The following PPP6R2 variants were observed in gnomAD, a reference collection of about 807,000 sequenced individuals.
PPP6R2 encodes protein phosphatase 6 regulatory subunit 2, also known as serine/threonine-protein phosphatase 6 regulatory subunit 2.
In PPP6R2, 62 loss-of-function variants were observed where a neutral mutation model predicts 100.2. The ratio of observed to expected loss-of-function variants is 0.62; its 90% CI spans 0.50 to 0.76. The LOEUF (loss-of-function observed/expected upper bound fraction) is 0.76, where lower values mean the gene tolerates loss of function less well. Ranked by LOEUF, PPP6R2 falls within the 30% of genes least tolerant of loss-of-function variation. The probability of loss-of-function intolerance (pLI) is 0.00; values close to 1 mark genes in which losing one functional copy is unlikely to be tolerated. For missense variants in PPP6R2, 1,142 were observed against 1,276.3 expected (o/e 0.89, Z 1.60); for synonymous variants, 525 against 514.7 (o/e 1.02, Z -0.27).
intron 4 of PPP6R2, among the ~76,000 whole-genome samples, chr22:50,407,154 C>T (rs2059083952): frequency 6.6e-6 from 1 of 152,068 alleles, no homozygotes; most frequent in African/African-American, 2.4e-5. Flanking sequence ...CAAGACCAGC[C>T]TGGCCAACAT....
intron 1 of PPP6R2, among the ~76,000 whole-genome samples, chr22:50,369,005 G>A (rs2049371521): frequency 1.3e-5 from 2 of 152,156 alleles, no homozygotes; most frequent in South Asian, 2.1e-4. Flanking sequence ...TTGGGAGGCC[G>A]AGGTGGGCGG....
the PPP6R2 span, among the ~76,000 whole-genome samples, chr22:50,338,197 G>C: frequency 7.0e-6 from 1 of 143,588 alleles, no homozygotes; most frequent in Non-Finnish European, 1.5e-5. Context: ...TGTGGGTATA[G>C]TGTGTGTCGG....
chr22:50,444,221 G>A lies in PPP6R2; in HGVS notation c.2854G>A (p.Gly952Arg), dbSNP rs768688847. 3.1e-6 allele frequency: 5 copies of A among 1,613,210 alleles called. No individual in the cohort carries two copies. The highest frequency in any genetic ancestry group is 4.5e-5 in the East Asian group (2 of 44,888). Reference sequence around the variant, plus strand: ...CAGGAAGACAGATGCCCCGCCAGAAGGAGCTGCCTTAAATGGCCCAGTGTG... The same window carrying A: ...CAGGAAGACAGATGCCCCGCCAGAAAGAGCTGCCTTAAATGGCCCAGTGTG... ...KDGKTDAPPE[G>R]AALNGPV Residue 952 changes from glycine (G) to arginine (R), a missense_variant, in exon 24 of 24, where the codon GGA (glycine) becomes AGA (arginine). Physicochemically the swap from Gly to Arg is moderately radical, Grantham distance 125. Coordinates refer to ENST00000612753, the MANE Select transcript of PPP6R2 (RefSeq NM_001242898.2).
intron 10 of PPP6R2, among the ~76,000 whole-genome samples, chr22:50,427,033 G>GA (rs1418923155): frequency 6.6e-6 from 1 of 150,740 alleles, no homozygotes. Context: ...CTAAAAATAT[G>GA]AAAAAATTAG....
intron 7 of PPP6R2, among the ~76,000 whole-genome samples, 182 bp from the exon 8 acceptor site, chr22:50,419,167 C>CT (rs1216787302): frequency 2.0e-5 from 3 of 152,342 alleles, no homozygotes; most frequent in African/African-American, 7.2e-5. Flanking sequence ...GAGGAGTCAC[C>CT]TGGTGGGTCT....
intron 6 of PPP6R2, among the ~76,000 whole-genome samples, chr22:50,418,445 G>T (rs2060841222): frequency 6.6e-6 from 1 of 151,782 alleles, no homozygotes; most frequent in Admixed American, 6.6e-5. Flanking sequence ...GAGTGCAGTG[G>T]TGCGATCTTG....
At chr22:50,414,967 C>T (rs762584735) in intron 5 of PPP6R2, among the ~76,000 whole-genome samples, 4 of 152,246 alleles carry the variant, frequency 2.6e-5, no homozygotes, top group South Asian at 2.1e-4. Context: ...GGACTTTCCT[C>T]GCCTGCCTCC....
At chr22:50,424,092 G>C (rs1285836061) in intron 10 of PPP6R2, among the ~76,000 whole-genome samples, 2 of 152,244 alleles carry the variant, frequency 1.3e-5, no homozygotes, top group Non-Finnish European at 2.9e-5. Context: ...GCTGAGGAGA[G>C]GAAGGGGCAG....
intron 10 of PPP6R2, among the ~76,000 whole-genome samples, chr22:50,427,941 C>G (rs181119098): frequency 6.6e-6 from 1 of 152,218 alleles, no homozygotes; most frequent in African/African-American, 2.4e-5. Context: ...AGGACGGTCT[C>G]GATCTCCTGA....
chr22:50,419,918 A>G (rs1352372361), intron 8 of PPP6R2, among the ~76,000 whole-genome samples: 3 of 152,114 alleles, frequency 2.0e-5, no homozygotes, highest in African/African-American at 7.2e-5. Context: ...TGCCCTGTGC[A>G]CCCACGGGTC....
intron 1 of PPP6R2, among the ~76,000 whole-genome samples, chr22:50,357,251 A>G (rs1287882795): frequency 6.6e-6 from 1 of 152,188 alleles, no homozygotes; most frequent in Admixed American, 6.5e-5. Context: ...GGAGTTTACA[A>G]AAATAAATTC....
chr22:50,420,298 G>A (rs956667954), intron 8 of PPP6R2, among the ~76,000 whole-genome samples: 1 of 152,184 alleles, frequency 6.6e-6, no homozygotes, highest in Non-Finnish European at 1.5e-5. Flanking sequence ...GTCCCAGTGT[G>A]GACACAAGCA....
At chr22:50,356,398 G>C (rs2046591574) in intron 1 of PPP6R2, among the ~76,000 whole-genome samples, 2 of 150,930 alleles carry the variant, frequency 1.3e-5, no homozygotes, top group African/African-American at 2.4e-5. Flanking sequence ...ACCTTCCCAG[G>C]CTGAGGTAGT....
intron 2 of PPP6R2, among the ~76,000 whole-genome samples, chr22:50,374,278 C>T (rs116093398): frequency 0.014 from 2,191 of 152,086 alleles, 21 homozygotes; most frequent in East Asian, 0.034. Flanking sequence ...GAGGTTGCAG[C>T]GAGACAAGAT....
upstream of PPP6R2, among the ~76,000 whole-genome samples, chr22:50,338,886 A>ATGTGGGGTG (rs2042334913): frequency 1.5e-5 from 1 of 65,810 alleles, no homozygotes; most frequent in African/African-American, 6.5e-5. Flanking sequence ...TGTGTGTGTT[A>ATGTGGGGTG]TGTGGGGTAT....
chr22:50,437,047 TA>T lies in PPP6R2; in HGVS notation c.1664del (p.Asn555ThrfsTer17). ...ACGAGGACATTGAGGGTGCTTTCCCTAACGAGCTGTCCCTTCAGCAGGTGAG... is the reference window on the plus strand; with the variant it reads ...ACGAGGACATTGAGGGTGCTTTCCCTACGAGCTGTCCCTTCAGCAGGTGAG... ...EDEDIEGAFP[N>X]ELSLQQAFSD... On this transcript the variant is annotated frameshift_variant, in exon 15 of 24. Coordinates refer to ENST00000612753, the MANE Select transcript of PPP6R2 (RefSeq NM_001242898.2). LOFTEE classifies it high-confidence loss of function. 1 of 1,561,456 alleles carries T rather than the reference TA, an allele frequency of 6.4e-7. No individual in the cohort carries two copies.
At chr22:50,419,288 C>T (rs2060982551) in intron 7 of PPP6R2, 61 bp from the exon 8 acceptor site, 2 of 1,445,316 alleles carry the variant, frequency 1.4e-6, no homozygotes, top group African/African-American at 1.4e-5. Context: ...AAGGAGCATC[C>T]TTGCATCCTT....
intron 1 of PPP6R2, among the ~76,000 whole-genome samples, chr22:50,357,499 CTCTCTT>C (rs2046859619): frequency 6.6e-6 from 1 of 151,442 alleles, no homozygotes; most frequent in African/African-American, 2.4e-5. Flanking sequence ...GTCTCTCTCT[CTCTCTT>C]TCTTTTTTGA....
intron 1 of PPP6R2, among the ~76,000 whole-genome samples, chr22:50,363,117 G>T (rs1569293765): frequency 6.6e-6 from 1 of 152,142 alleles, no homozygotes; most frequent in South Asian, 2.1e-4. Flanking sequence ...GTGGATTTTT[G>T]TCACTTCTTG....
Sources: gnomAD v4.1 joint callset for allele counts (sites outside exome capture counted in the v4.1 genomes callset) on GRCh38, gnomAD v4.1.1 for gene constraint, MANE v1.5 for transcripts, NCBI Gene and HGNC (gene_info 2026-07-23, HGNC 2026-07-21) for gene names.